The following KAZN variants were observed in gnomAD, a reference collection of about 807,000 sequenced individuals.
KAZN encodes kazrin, periplakin interacting protein.
KAZN carries 40 observed loss-of-function variants against 87.4 expected under a neutral mutation model. That is an observed-to-expected ratio of 0.46 (90% confidence interval 0.36 to 0.60). The LOEUF (loss-of-function observed/expected upper bound fraction) is 0.60, where lower values mean the gene tolerates loss of function less well. Among genes scored for constraint, KAZN ranks in the 20% least tolerant of loss-of-function variants. KAZN has a pLI of 0.00. For missense variants in KAZN, 898 were observed against 1,073.9 expected, an observed-to-expected ratio of 0.84 and a Z score of 2.29; for synonymous variants, 466 against 458.3, an observed-to-expected ratio of 1.02 and a Z score of -0.22.
chr1:14,660,544 T>A (rs1029786432), intron 1 of KAZN, among the ~76,000 whole-genome samples: 1 of 135,534 alleles, frequency 7.4e-6, no homozygotes, highest in East Asian at 2.1e-4. Flanking sequence ...TCTCTCTCTT[T>A]TTTTTTTTTT....
intron 8 of KAZN, among the ~76,000 whole-genome samples, chr1:15,069,089 C>T (rs575760226): frequency 6.6e-6 from 1 of 152,060 alleles, no homozygotes; most frequent in African/African-American, 2.4e-5. Flanking sequence ...TAAATCTCCT[C>T]TGGTGATTCT....
chr1:14,521,175 G>T (rs1288358914), intron 2 of KAZN, among the ~76,000 whole-genome samples: 1 of 152,216 alleles, frequency 6.6e-6, no homozygotes, highest in Non-Finnish European at 1.5e-5. Flanking sequence ...TGCAAATAAA[G>T]ATCAGGCTTG....
chr1:14,771,749 C>G (rs772085346), intron 1 of KAZN, among the ~76,000 whole-genome samples: 3 of 152,098 alleles, frequency 2.0e-5, no homozygotes, highest in Non-Finnish European at 4.4e-5. Flanking sequence ...TTGCTTGAAC[C>G]CGGGAGGCGG....
At chr1:13,998,402 A>G (rs532041391) in intron 1 of KAZN, among the ~76,000 whole-genome samples, 3 of 152,340 alleles carry the variant, frequency 2.0e-5, no homozygotes, top group African/African-American at 2.4e-5. Flanking sequence ...AATGGGCTAA[A>G]TGCCCCATTT....
Position 14,884,607 on chromosome 1 carries a change from G to A in KAZN, c.227-76077G>A, listed in dbSNP as rs146643840. 6.4e-4 allele frequency among the ~76,000 whole-genome samples: 98 copies of A among 152,320 alleles called. 1 individual carries two copies. In the South Asian group the frequency reaches 0.018, roughly 28 times the overall value. On this transcript the variant is annotated intron_variant, in intron 1 of 14. Transcript: ENST00000376030. ...AGGGCTGGGTGCATTTTCGAAGGTC[G>A]TTTAGAGCAGAGCTTCTCAAACTTC...
At chr1:14,866,164 C>T (rs1331526788) in intron 1 of KAZN, among the ~76,000 whole-genome samples, 2 of 77,404 alleles carry the variant, frequency 2.6e-5, no homozygotes, top group Non-Finnish European at 5.4e-5. Context: ...CTGCCTGGAA[C>T]TCTCTTTCAG....
At chr1:14,807,439 A>C (rs1646257882) in intron 1 of KAZN, among the ~76,000 whole-genome samples, 1 of 152,160 alleles carries the variant, frequency 6.6e-6, no homozygotes, top group Non-Finnish European at 1.5e-5. Flanking sequence ...TCTGGTCAAC[A>C]TGATGCTAGG....
At chr1:14,980,485 C>T (rs1246407414) in intron 2 of KAZN, among the ~76,000 whole-genome samples, 1 of 152,134 alleles carries the variant, frequency 6.6e-6, no homozygotes, top group African/African-American at 2.4e-5. Flanking sequence ...CGCAGGTGAC[C>T]ATGAGGCAGC....
intron 1 of KAZN, among the ~76,000 whole-genome samples, chr1:14,654,467 T>A (rs1278614019): frequency 6.6e-6 from 1 of 152,036 alleles, no homozygotes; most frequent in African/African-American, 2.4e-5. Flanking sequence ...CTCTGCTGTA[T>A]CAGTCCTGGG....
intron 1 of KAZN, among the ~76,000 whole-genome samples, chr1:13,936,386 G>A (rs1326357915): frequency 2.0e-5 from 3 of 151,790 alleles, no homozygotes; most frequent in Non-Finnish European, 4.4e-5. Flanking sequence ...ACTGGCATGA[G>A]CCACCATGCC....
intron 2 of KAZN, chr1:14,304,452 A>G (rs1055588164): frequency 2.5e-6 from 1 of 394,708 alleles, no homozygotes; most frequent in South Asian, 1.4e-4. Flanking sequence ...CTCTATTTCC[A>G]TCCCACGAGG....
At chr1:14,338,812 A>T (rs1241956649) in intron 2 of KAZN, among the ~76,000 whole-genome samples, 1 of 152,196 alleles carries the variant, frequency 6.6e-6, no homozygotes, top group African/African-American at 2.4e-5. Flanking sequence ...CATAAGTGAG[A>T]TGAAAAATGT....
chr1:14,388,541 A>G (rs1489205850), intron 2 of KAZN, among the ~76,000 whole-genome samples: 1 of 152,024 alleles, frequency 6.6e-6, no homozygotes, highest in African/African-American at 2.4e-5. Context: ...CCCAGAGATA[A>G]ATAGATACAT....
intron 1 of KAZN, among the ~76,000 whole-genome samples, chr1:14,672,649 G>C (rs1477399057): frequency 1.3e-5 from 2 of 152,188 alleles, no homozygotes; most frequent in Non-Finnish European, 2.9e-5. Flanking sequence ...TTTATCAAAG[G>C]CTGTCAGGGG....
intron 1 of KAZN, among the ~76,000 whole-genome samples, chr1:14,931,568 C>T (rs915404552): frequency 1.3e-5 from 2 of 152,304 alleles, no homozygotes; most frequent in East Asian, 1.9e-4. Flanking sequence ...GGGATTGCAG[C>T]GGTCTGGGGT....
At chr1:14,355,569 G>C (rs574916375) in intron 2 of KAZN, among the ~76,000 whole-genome samples, 1 of 152,154 alleles carries the variant, frequency 6.6e-6, no homozygotes, top group Non-Finnish European at 1.5e-5. Context: ...TCCTAATGCT[G>C]TCCATCCCCT....
chr1:14,050,241 TG>T (rs1274397852), intron 1 of KAZN, among the ~76,000 whole-genome samples: 10 of 151,938 alleles, frequency 6.6e-5, no homozygotes, highest in Non-Finnish European at 1.0e-4. Flanking sequence ...TATGTGTGGA[TG>T]TGTGTGGGCA....
rs1445478661 is a variant in KAZN, at chr1:15,096,635, T to C, written c.1547+1702T>C. On this transcript the variant is annotated intron_variant, in intron 10 of 14. Transcript: ENST00000376030. This position sits in a 1 kb window ranked among gnomAD's most constrained non-coding sequence, Gnocchi z 4.5. Reference sequence around the variant, plus strand: ...AGTTCTGGAGGCTGGAAGTCCAAGATCGGGATGCCAGCATGGTTGGGACCT... The same window carrying C: ...AGTTCTGGAGGCTGGAAGTCCAAGACCGGGATGCCAGCATGGTTGGGACCT... 2.0e-5 allele frequency among the ~76,000 whole-genome samples: 3 copies of C among 152,190 alleles called. No individual in the cohort carries two copies. Among genetic ancestry groups the C allele is most frequent in the African/African-American group, 7.2e-5 (3 of 41,454 alleles).
chr1:14,433,888 C>T (rs1393842531), intron 2 of KAZN, among the ~76,000 whole-genome samples: 5 of 152,134 alleles, frequency 3.3e-5, no homozygotes, highest in African/African-American at 4.8e-5. Context: ...GACAGTGAAG[C>T]GTTCTCTCTC....
Sources: allele counts gnomAD v4.1 joint callset (sites outside exome capture counted in the v4.1 genomes callset), GRCh38; gene constraint gnomAD v4.1.1; non-coding constraint Gnocchi (gnomAD v3.1); transcripts MANE v1.5; gene names NCBI Gene and HGNC (gene_info 2026-07-23, HGNC 2026-07-21).